ZSCAN5A: variants seen among roughly 807,000 people sequenced by gnomAD.
ZSCAN5A encodes the protein zinc finger and SCAN domain-containing protein 5A.
A neutral mutation model predicts 23.7 loss-of-function variants in ZSCAN5A; 12 were observed. The ratio of observed to expected loss-of-function variants is 0.51; its 90% confidence interval spans 0.32 to 0.82. ZSCAN5A has a LOEUF of 0.82. Ranked by LOEUF, ZSCAN5A falls within the 40% of genes least tolerant of loss-of-function variation. The pLI is 0.03. For missense variants in ZSCAN5A, 597 were observed against 617.9 expected, an observed-to-expected ratio of 0.97 and a Z score of 0.36; for synonymous variants, 257 against 239.9, an observed-to-expected ratio of 1.07 and a Z score of -0.66.
chr19:56,245,240 G>C (rs1165603568), intron 2 of ZSCAN5A: 1 of 632,502 alleles, frequency 1.6e-6, no homozygotes, highest in Non-Finnish European at 2.9e-6. Flanking sequence ...CAATTTTCTT[G>C]GCAAGGAATA....
chr19:56,244,302 T>C, intron 2 of ZSCAN5A: 1 of 1,610,030 alleles, frequency 6.2e-7, no homozygotes, highest in Non-Finnish European at 8.5e-7. Context: ...CTGGACATGC[T>C]GGTGATGGAG....
At chr19:56,322,139 T>A (rs1351616446) in intron 2 of ZSCAN5A, 3 of 768,424 alleles carry the variant, frequency 3.9e-6, no homozygotes, top group Non-Finnish European at 7.2e-6. Context: ...TAGCTGAGCG[T>A]CTCTGGAAGG....
At chr19:56,329,976 C>G (rs1600286255) in intron 2 of ZSCAN5A, among the ~76,000 whole-genome samples, 1 of 152,308 alleles carries the variant, frequency 6.6e-6, no homozygotes, top group East Asian at 1.9e-4. Flanking sequence ...CAGCCCTTGC[C>G]TCTTGTCTTG....
chr19:56,223,723 C>G lies in ZSCAN5A; in HGVS notation c.496G>C (p.Ala166Pro). The change falls in exon 4 of 6, where the codon GCC (alanine) becomes CCC (proline). Residue 166 changes from alanine (A) to proline (P), a missense_variant. Ala to Pro is a conservative substitution (Grantham distance 27). This residue lies in a region of ZSCAN5A where 406 missense variants were observed against 353.2 expected (regional missense o/e 1.15). Transcript: ENST00000683990. ...DDLKDVSSQR[A>P]SSVNQMRPGE... ...GGACGCATCTGGTTCACCGAGGAGG[C>G]CCGTTGGCTGGACACGTCTTTCAGA... is the stretch of plus-strand genomic sequence containing the variant. 6.2e-7 allele frequency: 1 copy of G among 1,613,940 alleles called. No homozygotes were observed. The highest frequency in any genetic ancestry group is 8.5e-7 in the Non-Finnish European group (1 of 1,179,984).
At chr19:56,263,278 G>C (rs949536860) in intron 2 of ZSCAN5A, 2 of 152,226 alleles carry the variant, frequency 1.3e-5, no homozygotes, top group African/African-American at 4.8e-5. Flanking sequence ...CATTTTAAGG[G>C]CAAGCGCTGA....
chr19:56,273,466 A>AAAAGACAGACAG (rs80267730), intron 2 of ZSCAN5A, among the ~76,000 whole-genome samples: 1 of 151,742 alleles, frequency 6.6e-6, no homozygotes, highest in Non-Finnish European at 1.5e-5. Flanking sequence ...TATAGTGATG[A>AAAAGACAGACAG]AAATAGTTCT....
chr19:56,265,464 G>A (rs1208479700), intron 2 of ZSCAN5A, among the ~76,000 whole-genome samples: 1 of 151,368 alleles, frequency 6.6e-6, no homozygotes, highest in Non-Finnish European at 1.5e-5. Flanking sequence ...CTTTCTCTTT[G>A]AGAGATCCAA....
intron 1 of ZSCAN5A, chr19:56,368,047 A>C (rs549821211): frequency 1.3e-4 from 20 of 152,452 alleles, no homozygotes; most frequent in African/African-American, 2.6e-4. Context: ...TCAGAAGGCA[A>C]CCGCTTGATT....
chr19:56,304,558 T>C (rs1204698902), intron 2 of ZSCAN5A, among the ~76,000 whole-genome samples: 1 of 152,134 alleles, frequency 6.6e-6, no homozygotes, highest in Non-Finnish European at 1.5e-5. Context: ...GGGATTGTGC[T>C]GCTTATGGGG....
intron 2 of ZSCAN5A, chr19:56,246,827 G>C: frequency 6.2e-7 from 1 of 1,611,402 alleles, no homozygotes; most frequent in Non-Finnish European, 8.5e-7. Context: ...GTTGTGGAGA[G>C]AGAAGCTTCG....
intron 2 of ZSCAN5A, among the ~76,000 whole-genome samples, chr19:56,233,300 C>T (rs781585734): frequency 7.9e-5 from 12 of 152,032 alleles, no homozygotes; most frequent in African/African-American, 2.9e-4. Context: ...AAAGTCAGGT[C>T]ATGGCATTCA....
At chr19:56,268,592 C>A (rs2037631547) in intron 2 of ZSCAN5A, among the ~76,000 whole-genome samples, 1 of 152,062 alleles carries the variant, frequency 6.6e-6, no homozygotes, top group Non-Finnish European at 1.5e-5. Flanking sequence ...ATTTTTAGAG[C>A]TTTTAACACA....
chr19:56,354,109 G>A (rs1347878086), intron 2 of ZSCAN5A, among the ~76,000 whole-genome samples: 2 of 152,216 alleles, frequency 1.3e-5, no homozygotes, highest in Non-Finnish European at 2.9e-5. Context: ...AGGGAAAGTA[G>A]TGTGGTGGTT....
In ZSCAN5A at chr19:56,222,750, G is replaced by C; in HGVS notation, c.589-9C>G. 6.2e-7 allele frequency: 1 copy of C among 1,613,944 alleles called. No homozygotes were observed. The highest frequency in any genetic ancestry group is 1.1e-5 in the South Asian group (1 of 91,052). The stretch of plus-strand genomic sequence containing the variant: ...AGCAGAAAGTCCTCTCCCTGAAGAG[G>C]AAAAACCAAGAGTAATGACTGCTGT... On this transcript the variant is annotated splice_polypyrimidine_tract_variant and intron_variant, in intron 4 of 5. Transcript: ENST00000683990.
chr19:56,315,643 G>T (rs1050952071), upstream of ZSCAN5A: 2 of 152,222 alleles, frequency 1.3e-5, no homozygotes, highest in African/African-American at 4.8e-5. Context: ...CCCGGAAAGG[G>T]TGAGCCGGTG....
chr19:56,299,333 A>G (rs1184348018), intron 2 of ZSCAN5A, among the ~76,000 whole-genome samples: 2 of 151,654 alleles, frequency 1.3e-5, no homozygotes, highest in East Asian at 3.9e-4. Flanking sequence ...GGGTCTCCCT[A>G]TGTTGCCCAG....
chr19:56,259,961 G>A (rs1032069256), intron 2 of ZSCAN5A, among the ~76,000 whole-genome samples: 5 of 152,298 alleles, frequency 3.3e-5, no homozygotes, highest in South Asian at 4.1e-4. Context: ...GTGACAGAGC[G>A]AGACCTTGTT....
At chr19:56,229,696 A>C (rs529627643) in intron 2 of ZSCAN5A, among the ~76,000 whole-genome samples, 2 of 152,146 alleles carry the variant, frequency 1.3e-5, no homozygotes, top group African/African-American at 2.4e-5. Context: ...GATGTCTATT[A>C]ATAGTATGGT....
chr19:56,285,000 C>G, intron 2 of ZSCAN5A: 1 of 985,290 alleles, frequency 1.0e-6, no homozygotes, highest in South Asian at 4.7e-5. Flanking sequence ...TTCCTCAGGT[C>G]TCATGAGCAG....
Sources: gnomAD v4.1 joint callset for allele counts (sites outside exome capture counted in the v4.1 genomes callset) on GRCh38, gnomAD v4.1.1 for gene constraint, gnomAD v4.1.1 regional missense constraint, MANE v1.5 for transcripts, NCBI Gene and HGNC (gene_info 2026-07-23, HGNC 2026-07-21) for gene names.